FGD6: variants seen among roughly 807,000 people sequenced by gnomAD.
FGD6 encodes the protein FYVE, RhoGEF and PH domain containing 6.
Under a neutral mutation model 149.4 loss-of-function variants are expected in FGD6, and 90 were observed. The ratio of observed to expected loss-of-function variants is 0.60; its 90% CI spans 0.51 to 0.72. The LOEUF (loss-of-function observed/expected upper bound fraction) is 0.72. FGD6 is among the 30% of genes least tolerant of loss of function. FGD6 has a pLI of 0.00. For missense variants in FGD6, 1,437 were observed against 1,684.8 expected (o/e 0.85, Z 2.57); for synonymous variants, 527 against 584.0 (o/e 0.90, Z 1.41).
chr12:95,208,763 C>T, intron 2 of FGD6, 80 bp downstream of exon 2: 1 of 1,480,068 alleles, frequency 6.8e-7, no homozygotes, highest in African/African-American at 1.4e-5. Flanking sequence ...GTTTTTTTTC[C>T]CCCTGCATTC....
intron 2 of FGD6, among the ~76,000 whole-genome samples, chr12:95,201,395 T>A (rs951593513): frequency 6.6e-6 from 1 of 152,240 alleles, no homozygotes; most frequent in Non-Finnish European, 1.5e-5. Flanking sequence ...TGCTGTTTTA[T>A]TACTGCCATA....
intron 17 of FGD6, among the ~76,000 whole-genome samples, chr12:95,091,334 A>G (rs975538088): frequency 6.6e-6 from 1 of 152,242 alleles, no homozygotes; most frequent in Non-Finnish European, 1.5e-5. Flanking sequence ...AAGCTAACGA[A>G]GTGCCACCTA....
chr12:95,211,697 A>G (rs970597096), intron 1 of FGD6, among the ~76,000 whole-genome samples: 2 of 151,808 alleles, frequency 1.3e-5, no homozygotes, highest in African/African-American at 2.4e-5. Context: ...GCACCACCAC[A>G]TCCGGCTAAG....
intron 15 of FGD6, 85 bp from the exon 16 acceptor site, chr12:95,092,930 G>A: frequency 6.9e-7 from 1 of 1,456,704 alleles, no homozygotes; most frequent in Non-Finnish European, 9.3e-7. Context: ...CTACCAAGAT[G>A]GGGATGAGGG....
chr12:95,133,926 G>T (rs1334321916), intron 8 of FGD6, among the ~76,000 whole-genome samples: 2 of 152,164 alleles, frequency 1.3e-5, no homozygotes, highest in Non-Finnish European at 2.9e-5. Context: ...CCTGATTACA[G>T]CAAGTTCCTT....
chr12:95,136,120 G>A (rs1269864681), intron 7 of FGD6, among the ~76,000 whole-genome samples: 2 of 152,148 alleles, frequency 1.3e-5, no homozygotes, highest in Non-Finnish European at 2.9e-5. Flanking sequence ...AGCACTTTGA[G>A]AGGCCAAGGT....
At chr12:95,083,356 A>G (rs1400994816) in intron 20 of FGD6, among the ~76,000 whole-genome samples, 1 of 151,930 alleles carries the variant, frequency 6.6e-6, no homozygotes, top group Non-Finnish European at 1.5e-5. Context: ...TTACCTAACT[A>G]CATGTAATTC....
intron 5 of FGD6, among the ~76,000 whole-genome samples, chr12:95,152,361 A>G (rs1431651783): frequency 6.6e-6 from 1 of 152,170 alleles, no homozygotes; most frequent in Non-Finnish European, 1.5e-5. Context: ...TGACCATTTA[A>G]AAAACAGAAA....
chr12:95,135,218 G>A (rs1192296891), intron 7 of FGD6, among the ~76,000 whole-genome samples: 1 of 152,108 alleles, frequency 6.6e-6, no homozygotes, highest in Non-Finnish European at 1.5e-5. Flanking sequence ...CCTAAAATAA[G>A]GCAGTGGAAA....
At chr12:95,201,404 T>C (rs1421895787) in intron 2 of FGD6, among the ~76,000 whole-genome samples, 1 of 152,236 alleles carries the variant, frequency 6.6e-6, no homozygotes, top group South Asian at 2.1e-4. Context: ...ATTACTGCCA[T>C]AGTCTCATTT....
chr12:95,172,147 G>A (rs966350820), intron 3 of FGD6, among the ~76,000 whole-genome samples: 5 of 152,044 alleles, frequency 3.3e-5, no homozygotes, highest in Non-Finnish European at 4.4e-5. Context: ...AGGCTGAGGC[G>A]GGTGGATCAC....
intron 5 of FGD6, among the ~76,000 whole-genome samples, chr12:95,143,782 T>C (rs894536318): frequency 6.6e-6 from 1 of 152,222 alleles, no homozygotes; most frequent in Non-Finnish European, 1.5e-5. Context: ...GAATAATGTA[T>C]TCAAAGCAGA....
intron 2 of FGD6, among the ~76,000 whole-genome samples, chr12:95,176,129 G>GTC (rs1352630621): frequency 2.6e-5 from 4 of 152,032 alleles, no homozygotes; most frequent in African/African-American, 9.7e-5. Flanking sequence ...ATAGACAAGG[G>GTC]TCTTGCTGTG....
At chr12:95,186,995 C>G (rs1257620890) in intron 2 of FGD6, among the ~76,000 whole-genome samples, 1 of 152,182 alleles carries the variant, frequency 6.6e-6, no homozygotes, top group Admixed American at 6.5e-5. Flanking sequence ...TTTGCTCACT[C>G]ACTGTTTCTC....
intron 19 of FGD6, 48 bp downstream of exon 19, chr12:95,085,732 T>C (rs747970824): frequency 5.7e-5 from 88 of 1,555,554 alleles, no homozygotes; most frequent in Non-Finnish European, 7.5e-5. Flanking sequence ...TACTTGCAGT[T>C]GGCATTACAA....
chr12:95,210,107 C>A lies in FGD6; in HGVS notation c.1177G>T (p.Asp393Tyr). The part of the protein sequence containing the change: ...KSELNMESNS[D>Y]AQDLVNSQKA... Reference sequence around the variant, plus strand: ...TGTGAATTGACTAAGTCCTGTGCATCACTGTTGGATTCCATATTCAATTCA... The same window carrying A: ...TGTGAATTGACTAAGTCCTGTGCATAACTGTTGGATTCCATATTCAATTCA... Residue 393 changes from aspartate (D) to tyrosine (Y), a missense_variant, in exon 2 of 21, where the codon GAT becomes TAT. Transcript: ENST00000343958. The A allele has an allele frequency of 6.2e-7, 1 of 1,614,168 alleles. No individual in the cohort carries two copies. Among genetic ancestry groups the A allele is most frequent in the Non-Finnish European group, 8.5e-7 (1 of 1,180,040 alleles).
intron 8 of FGD6, among the ~76,000 whole-genome samples, chr12:95,130,748 G>C (rs1363611335): frequency 6.6e-6 from 1 of 151,920 alleles, no homozygotes; most frequent in African/African-American, 2.4e-5. Flanking sequence ...TCAGTGCCTA[G>C]ACAGCAGTAC....
At chr12:95,101,875 G>A (rs1020337878) in intron 14 of FGD6, among the ~76,000 whole-genome samples, 6 of 151,620 alleles carry the variant, frequency 4.0e-5, no homozygotes, top group Admixed American at 6.6e-5. Context: ...TAGAGACGGG[G>A]TTTCCCCACG....
At chr12:95,207,738 C>T (rs1439627679) in intron 2 of FGD6, among the ~76,000 whole-genome samples, 1 of 152,166 alleles carries the variant, frequency 6.6e-6, no homozygotes, top group Non-Finnish European at 1.5e-5. Flanking sequence ...AAATACAGAA[C>T]ATCAGACATG....
Sources: gnomAD v4.1 joint callset for allele counts (sites outside exome capture counted in the v4.1 genomes callset) on GRCh38, gnomAD v4.1.1 for gene constraint, MANE v1.5 for transcripts, NCBI Gene and HGNC (gene_info 2026-07-23, HGNC 2026-07-21) for gene names.